PCDH15: variants seen among roughly 807,000 people sequenced by gnomAD.
PCDH15 encodes protocadherin-15.
A neutral mutation model predicts 178.5 loss-of-function variants in PCDH15; 129 were observed. That is an observed-to-expected ratio of 0.72 (90% CI 0.63 to 0.84). PCDH15 has a LOEUF of 0.84. Ranked by LOEUF, PCDH15 falls within the 40% of genes least tolerant of loss-of-function variation. The pLI is 0.00. For synonymous variants in PCDH15, 800 were observed against 732.0 expected, an observed-to-expected ratio of 1.09 and a Z score of -1.50; for missense variants, 2,230 against 2,099.9, an observed-to-expected ratio of 1.06 and a Z score of -1.21.
chr10:54,710,031 G>C (rs933921526), intron 1 of PCDH15, among the ~76,000 whole-genome samples: 4 of 150,934 alleles, frequency 2.7e-5, no homozygotes, highest in Admixed American at 6.6e-5. Flanking sequence ...ATTTAGATGT[G>C]TCCTGCATAT....
chr10:55,105,152 T>C (rs903154993), intron 2 of PCDH15, among the ~76,000 whole-genome samples: 1 of 152,232 alleles, frequency 6.6e-6, no homozygotes, highest in Non-Finnish European at 1.5e-5. Context: ...TTTGATAAAT[T>C]GTAACTTTTT....
chr10:53,813,450 C>T (rs1484460112), intron 35 of PCDH15, among the ~76,000 whole-genome samples: 2 of 152,092 alleles, frequency 1.3e-5, no homozygotes, highest in African/African-American at 2.4e-5. Flanking sequence ...GACAAACCCA[C>T]GATGAACAAT....
chr10:54,308,993 C>T (rs2060725977), intron 8 of PCDH15, among the ~76,000 whole-genome samples: 1 of 152,018 alleles, frequency 6.6e-6, no homozygotes, highest in Non-Finnish European at 1.5e-5. Flanking sequence ...ACGATCTTCG[C>T]ATTAAAAGGC....
chr10:55,499,927 A>T (rs1840619031), intron 2 of PCDH15, among the ~76,000 whole-genome samples: 1 of 151,720 alleles, frequency 6.6e-6, no homozygotes, highest in Non-Finnish European at 1.5e-5. Flanking sequence ...TAATTAGGTA[A>T]TTTTTATTGT....
intron 2 of PCDH15, among the ~76,000 whole-genome samples, chr10:55,607,483 G>A (rs1419657034): frequency 7.9e-6 from 1 of 127,228 alleles, no homozygotes; most frequent in Non-Finnish European, 1.6e-5. Flanking sequence ...CAATAGCAAA[G>A]ACTTGGAACC....
intron 5 of PCDH15, among the ~76,000 whole-genome samples, chr10:54,349,179 T>C (rs1943786751): frequency 6.6e-6 from 1 of 152,086 alleles, no homozygotes; most frequent in Admixed American, 6.6e-5. Context: ...ATAAAGGGGG[T>C]GCCCATGCCT....
chr10:55,554,512 A>G, intron 2 of PCDH15, among the ~76,000 whole-genome samples: 1 of 152,014 alleles, frequency 6.6e-6, no homozygotes, highest in East Asian at 1.9e-4. Flanking sequence ...TTGAACTTTC[A>G]ACAACTTGAG....
rs138235795 is a variant in PCDH15, at chr10:55,504,894, C to T, written c.-156+122731G>A. On this transcript the variant is annotated intron_variant, in intron 2 of 5. Transcript: ENST00000613346. ...TTTACTGAGAAATACTAGGAAAATT[C>T]AAATCAAAATATGCACTTTAGTGCT... Among the ~76,000 whole-genome samples the T allele has an allele frequency of 5.9e-5, 9 of 151,368 alleles. No individual in the cohort carries two copies. In the East Asian group the frequency reaches 1.8e-3, roughly 30 times the overall value.
At chr10:53,922,635 T>G (rs2084095089) in intron 25 of PCDH15, among the ~76,000 whole-genome samples, 1 of 152,222 alleles carries the variant, frequency 6.6e-6, no homozygotes, top group South Asian at 2.1e-4. Flanking sequence ...GAATTTTCCC[T>G]AGTATAGATT....
At chr10:54,270,322 G>A (rs956114851) in intron 8 of PCDH15, among the ~76,000 whole-genome samples, 1 of 152,066 alleles carries the variant, frequency 6.6e-6, no homozygotes, top group African/African-American at 2.4e-5. Flanking sequence ...ATCCACTGCA[G>A]CAACTAGCAC....
chr10:55,229,044 G>A (rs1841137120), intron 1 of PCDH15, among the ~76,000 whole-genome samples: 1 of 151,758 alleles, frequency 6.6e-6, no homozygotes, highest in Non-Finnish European at 1.5e-5. Context: ...TCAAGTATAG[G>A]AGTATCTTTA....
intron 9 of PCDH15, among the ~76,000 whole-genome samples, chr10:54,221,910 A>T (rs1323902427): frequency 3.3e-5 from 5 of 152,144 alleles, no homozygotes; most frequent in Non-Finnish European, 7.4e-5. Context: ...GCCTTACAGT[A>T]TATATTCTTT....
At chr10:55,482,955 G>A (rs1025404535) in intron 2 of PCDH15, among the ~76,000 whole-genome samples, 4 of 151,450 alleles carry the variant, frequency 2.6e-5, no homozygotes, top group Admixed American at 6.6e-5. Context: ...TCAGGTGCTG[G>A]GATGATTGGC....
intron 32 of PCDH15, among the ~76,000 whole-genome samples, chr10:53,820,599 A>G (rs1033256275): frequency 3.3e-5 from 5 of 152,066 alleles, no homozygotes; most frequent in Non-Finnish European, 5.9e-5. Flanking sequence ...TGTTTTAAAC[A>G]CTTACATGTG....
At chr10:54,711,000 T>A (rs955976595) in intron 1 of PCDH15, among the ~76,000 whole-genome samples, 1 of 151,992 alleles carries the variant, frequency 6.6e-6, no homozygotes, top group Non-Finnish European at 1.5e-5. Context: ...CACCTGTATA[T>A]AAGGGACTAC....
chr10:54,138,380 A>AC (rs2043080813), intron 14 of PCDH15, among the ~76,000 whole-genome samples: 1 of 151,668 alleles, frequency 6.6e-6, no homozygotes. Context: ...AAGAAGAAGC[A>AC]CCCCGACTGT....
At chr10:54,333,270 G>T (rs1321559740) in intron 6 of PCDH15, among the ~76,000 whole-genome samples, 1 of 151,964 alleles carries the variant, frequency 6.6e-6, no homozygotes, top group African/African-American at 2.4e-5. Flanking sequence ...GTTAGCACTT[G>T]TATTCTATAA....
intron 10 of PCDH15, among the ~76,000 whole-genome samples, chr10:54,200,268 A>ATTTTTTTTTTTTTTTT (rs2050089088): frequency 1.5e-5 from 1 of 66,700 alleles, no homozygotes; most frequent in African/African-American, 6.2e-5. Flanking sequence ...TACAGAGCCC[A>ATTTTTTTTTTTTTTTT]CTTTTTTTTT....
chr10:54,834,126 A>C (rs1953272170), intron 3 of PCDH15, among the ~76,000 whole-genome samples: 1 of 152,104 alleles, frequency 6.6e-6, no homozygotes, highest in Non-Finnish European at 1.5e-5. Context: ...TGGAATGGAC[A>C]TCCAGTGCCT....
Sources: allele counts gnomAD v4.1 joint callset (sites outside exome capture counted in the v4.1 genomes callset), GRCh38; gene constraint gnomAD v4.1.1; transcripts MANE v1.5; gene names NCBI Gene and HGNC (gene_info 2026-07-23, HGNC 2026-07-21).